The following MBNL1 variants were observed in gnomAD, a reference collection of about 807,000 sequenced individuals.
MBNL1 encodes muscleblind like splicing regulator 1.
In MBNL1, 8 loss-of-function variants were observed where a neutral mutation model predicts 42.2. The observed-to-expected ratio is 0.19, with a 90% CI of 0.11 to 0.34. The LOEUF is 0.34. MBNL1 is among the 10% of genes least tolerant of loss of function. The pLI, the probability that MBNL1 is intolerant of heterozygous loss-of-function variation, is 1.00. For missense variants in MBNL1, 309 were observed against 495.3 expected (o/e 0.62, Z 3.57); for synonymous variants, 169 against 173.9 (o/e 0.97, Z 0.22).
intron 2 of MBNL1, among the ~76,000 whole-genome samples, chr3:152,319,474 A>T (rs1286645731): frequency 1.3e-5 from 2 of 152,126 alleles, no homozygotes; most frequent in African/African-American, 4.8e-5. Context: ...CAAAAACTAG[A>T]ATATATTGTC....
intron 5 of MBNL1, among the ~76,000 whole-genome samples, chr3:152,446,319 G>C (rs1290987377): frequency 2.0e-5 from 3 of 152,012 alleles, no homozygotes; most frequent in African/African-American, 7.3e-5. Context: ...AAAAGTCACT[G>C]TGTAGTATTT....
At chr3:152,278,438 T>C (rs1037572326) in intron 1 of MBNL1, among the ~76,000 whole-genome samples, 6 of 152,078 alleles carry the variant, frequency 3.9e-5, no homozygotes, top group South Asian at 2.1e-4. Context: ...ATTTGAGAAG[T>C]GCCTAACAAT....
At chr3:152,400,925 A>G (rs1304717964) in intron 2 of MBNL1, among the ~76,000 whole-genome samples, 6 of 152,220 alleles carry the variant, frequency 3.9e-5, no homozygotes, top group Admixed American at 3.3e-4. Flanking sequence ...GTGTATTAGT[A>G]TATGTAAACC....
intron 2 of MBNL1, among the ~76,000 whole-genome samples, chr3:152,370,569 C>T (rs1199570165): frequency 1.3e-5 from 2 of 152,060 alleles, no homozygotes; most frequent in South Asian, 2.1e-4. Flanking sequence ...TTTTCTGTCT[C>T]GTTGATCTGT....
intron 2 of MBNL1, among the ~76,000 whole-genome samples, chr3:152,346,827 G>A (rs945748326): frequency 6.6e-6 from 1 of 150,964 alleles, no homozygotes; most frequent in Non-Finnish European, 1.5e-5. Flanking sequence ...ACCTCAGTGG[G>A]TATAGTGACA....
intron 2 of MBNL1, among the ~76,000 whole-genome samples, chr3:152,355,719 G>A (rs1045881987): frequency 6.6e-6 from 1 of 152,120 alleles, no homozygotes; most frequent in South Asian, 2.1e-4. Flanking sequence ...AAATTTAGAT[G>A]ATTATACTGA....
chr3:152,387,260 G>C (rs766197528), intron 2 of MBNL1, among the ~76,000 whole-genome samples: 13 of 115,392 alleles, frequency 1.1e-4, no homozygotes, highest in Non-Finnish European at 2.0e-4. Context: ...TTTTTTTTTG[G>C]TCTTTGCTAT....
At chr3:152,389,034 T>G (rs1443033277) in intron 2 of MBNL1, among the ~76,000 whole-genome samples, 1 of 152,180 alleles carries the variant, frequency 6.6e-6, no homozygotes, top group Non-Finnish European at 1.5e-5. Context: ...ACATGAAATA[T>G]TTCATAGATT....
chr3:152,325,087 G>GCCCCCCCCC (rs532842950), intron 2 of MBNL1, among the ~76,000 whole-genome samples: 8 of 15,368 alleles, frequency 5.2e-4, no homozygotes, highest in South Asian at 4.6e-3. Flanking sequence ...CCACATACCC[G>GCCCCCCCCC]CCCCCCCCCG....
At chr3:152,440,573 G>A (rs1382193193) in intron 4 of MBNL1, among the ~76,000 whole-genome samples, 1 of 152,204 alleles carries the variant, frequency 6.6e-6, no homozygotes, top group Non-Finnish European at 1.5e-5. Context: ...CCCACAACAT[G>A]TGGGAATTCA....
intron 3 of MBNL1, among the ~76,000 whole-genome samples, chr3:152,431,034 A>G (rs532345144): frequency 9.8e-5 from 15 of 152,330 alleles, no homozygotes; most frequent in African/African-American, 3.1e-4. Flanking sequence ...GTTTTTTCAT[A>G]TTTTTGTTAG....
At chr3:152,448,873 A>G (rs1024624501) in intron 6 of MBNL1, among the ~76,000 whole-genome samples, 4 of 152,206 alleles carry the variant, frequency 2.6e-5, no homozygotes, top group African/African-American at 9.6e-5. Flanking sequence ...ATTAACTACA[A>G]TATTCCACTA....
intron 2 of MBNL1, among the ~76,000 whole-genome samples, chr3:152,371,703 C>G (rs1281176432): frequency 1.3e-5 from 2 of 152,192 alleles, no homozygotes; most frequent in East Asian, 1.9e-4. Context: ...TGTGGATAAC[C>G]CGACCTTTCT....
rs1257758979 is a variant in MBNL1 at position 152,250,553 on chromosome 3, A to G, written n.333+6113A>G. 3.3e-5 allele frequency among the ~76,000 whole-genome samples: 5 copies of G among 152,136 alleles called. No individual in the cohort carries two copies. The East Asian group carries it at 5.8e-4, about 18-fold the overall frequency. On this transcript the variant is annotated intron_variant and non_coding_transcript_variant, in intron 2 of 2. Transcript: ENST00000477171. ...ATGGGGTTTTCTAGATATACAATCA[A>G]GTCGTCTGCAAACAGGGACAATTTG... is the stretch of plus-strand genomic sequence containing the variant.
intron 1 of MBNL1, among the ~76,000 whole-genome samples, chr3:152,282,376 C>A (rs950627962): frequency 6.6e-6 from 1 of 151,890 alleles, no homozygotes; most frequent in Admixed American, 6.6e-5. Flanking sequence ...ATTAAAGATT[C>A]CATGCTAATA....
chr3:152,405,885 A>G (rs545351914), intron 2 of MBNL1, among the ~76,000 whole-genome samples: 2 of 152,320 alleles, frequency 1.3e-5, no homozygotes, highest in African/African-American at 4.8e-5. Context: ...TCTGATTTGG[A>G]TGTCATAAAA....
intron 6 of MBNL1, among the ~76,000 whole-genome samples, chr3:152,450,064 G>A (rs1157773724): frequency 7.2e-6 from 1 of 138,416 alleles, no homozygotes; most frequent in African/African-American, 2.7e-5. Context: ...TCACATCACT[G>A]CACTCCAGCT....
At chr3:152,330,309 G>A (rs1436999341) in intron 2 of MBNL1, among the ~76,000 whole-genome samples, 33 of 152,084 alleles carry the variant, frequency 2.2e-4, no homozygotes, top group Admixed American at 2.2e-3. Flanking sequence ...AGATAATTCT[G>A]GGGTTATCTC....
Position 152,300,156 on chromosome 3 carries a change from G to A in MBNL1, c.-38G>A. 5 of 1,447,746 alleles carry A rather than the reference G, an allele frequency of 3.5e-6. No homozygotes were observed. The highest frequency in any genetic ancestry group is 3.7e-6 in the Non-Finnish European group (4 of 1,067,774). 89.7% of individuals were successfully genotyped at this position (1,447,746 alleles called of 1,614,324 possible). ...TTTTTTGGGGGGGTTGGGTTTGTTG[G>A]TTTCACTGAAACATTTAACTACCTG... On this transcript the variant is annotated 5_prime_UTR_variant, in exon 2 of 10. Coordinates refer to ENST00000324210, the MANE Select transcript of MBNL1 (RefSeq NM_021038.5).
Sources: allele counts gnomAD v4.1 joint callset (sites outside exome capture counted in the v4.1 genomes callset), GRCh38; gene constraint gnomAD v4.1.1; transcripts MANE v1.5; gene names NCBI Gene and HGNC (gene_info 2026-07-23, HGNC 2026-07-21).